PCM1: variants seen among roughly 807,000 people sequenced by gnomAD.
The protein encoded by PCM1 is pericentriolar material 1.
PCM1 carries 157 observed loss-of-function variants against 241.9 expected under a neutral mutation model. That is an observed-to-expected ratio of 0.65 (90% CI 0.57 to 0.74). PCM1 has a LOEUF of 0.74. PCM1 is among the 30% of genes least tolerant of loss of function. The pLI is 0.00. For missense variants in PCM1, 3,478 were observed against 2,360.1 expected (o/e 1.47, Z -9.81); for synonymous variants, 1,085 against 784.9 (o/e 1.38, Z -6.39).
At position 17,947,345 on chromosome 8, in the gene PCM1, G is replaced by A; in HGVS notation, c.943G>A (p.Ala315Thr). Residue 315 changes from alanine to threonine, a missense_variant, in exon 7 of 39, where the codon GCA becomes ACA. Ala to Thr is a moderately conservative substitution (Grantham distance 58). Transcript: ENST00000325083. ...ALQHKAEQAI[A>T]VMDDSVVAET... is the part of the protein sequence containing the mutation. ...GCAACATAAAGCAGAGCAAGCTATT[G>A]CAGTGATGGATGATTCTGGTATGTC... is the stretch of plus-strand genomic sequence containing the variant. 1 of 1,597,996 alleles carries A rather than the reference G, an allele frequency of 6.3e-7. No individual in the cohort carries two copies. The highest frequency in any genetic ancestry group is 8.5e-7 in the Non-Finnish European group (1 of 1,173,474).
chr8:17,943,764 T>C (rs749228732), intron 6 of PCM1, among the ~76,000 whole-genome samples: 1 of 152,208 alleles, frequency 6.6e-6, no homozygotes, highest in African/African-American at 2.4e-5. Flanking sequence ...TTTATTTTTT[T>C]CTCTACTCTG....
At chr8:17,982,794 C>A (rs1564151132) in intron 24 of PCM1, among the ~76,000 whole-genome samples, 1 of 152,070 alleles carries the variant, frequency 6.6e-6, no homozygotes, top group Non-Finnish European at 1.5e-5. Flanking sequence ...ATGCCCAGCC[C>A]TGAAAAGATT....
rs963923013 is a variant in PCM1, at chr8:18,025,352, A to G, written c.5842-9A>G. 6.8e-7 allele frequency: 1 copy of G among 1,478,032 alleles called. No homozygotes were observed. Among genetic ancestry groups the G allele is most frequent in the Non-Finnish European group, 9.4e-7 (1 of 1,069,264 alleles). The allele number at this position is 1,478,032 out of a possible 1,614,324, so 91.6% of individuals were successfully genotyped here. ...AGAGTATGTATTTTTTTTTTTCATT[A>G]CATTACAGGAAGCAGAATCTGGTAA... On this transcript the variant is annotated splice_polypyrimidine_tract_variant and intron_variant, in intron 36 of 38. Transcript: ENST00000325083.
At chr8:17,991,726 T>C (rs2084699081) in intron 28 of PCM1, 26 bp downstream of exon 28, 1 of 1,514,084 alleles carries the variant, frequency 6.6e-7, no homozygotes, top group Non-Finnish European at 8.9e-7. Context: ...TTCGGTAGGT[T>C]TTTGGAGAAC....
At chr8:17,949,774 G>A (rs953834045) in intron 7 of PCM1, among the ~76,000 whole-genome samples, 1 of 152,178 alleles carries the variant, frequency 6.6e-6, no homozygotes, top group Non-Finnish European at 1.5e-5. Flanking sequence ...TGGAATTACA[G>A]GTGTGAGACA....
intron 29 of PCM1, among the ~76,000 whole-genome samples, chr8:18,002,099 G>T: frequency 1.9e-5 from 1 of 52,892 alleles, no homozygotes; most frequent in Non-Finnish European, 3.0e-5. Flanking sequence ...TATACTCTAA[G>T]TTATAGGGTA....
chr8:17,989,072 TGTGGTATATCTATACA>T (rs1400449840), intron 26 of PCM1, among the ~76,000 whole-genome samples: 6 of 151,968 alleles, frequency 3.9e-5, no homozygotes, highest in African/African-American at 1.4e-4. Context: ...ATAAACAAAC[TGTGGTATATCTATACA>T]GTGGAATACT....
chr8:18,020,620 A>G (rs966246681), intron 36 of PCM1, among the ~76,000 whole-genome samples: 2 of 152,220 alleles, frequency 1.3e-5, no homozygotes, highest in East Asian at 3.9e-4. Flanking sequence ...CATTTTATTG[A>G]TGGATCCTAT....
intron 23 of PCM1, among the ~76,000 whole-genome samples, chr8:17,975,268 A>G (rs968683456): frequency 6.6e-6 from 1 of 152,084 alleles, no homozygotes; most frequent in South Asian, 2.1e-4. Context: ...GGTTCAAACA[A>G]TTCTCCTGTC....
chr8:17,971,097 T>C (rs2076703683), intron 22 of PCM1, among the ~76,000 whole-genome samples: 1 of 151,598 alleles, frequency 6.6e-6, no homozygotes, highest in Admixed American at 6.6e-5. Flanking sequence ...TAACACTTTA[T>C]TTATGGGCAC....
chr8:17,950,505 A>G, intron 7 of PCM1, 110 bp from the exon 8 acceptor site: 1 of 622,892 alleles, frequency 1.6e-6, no homozygotes, highest in Non-Finnish European at 2.8e-6. Flanking sequence ...GTTTCAAGTT[A>G]CGTATGTGAG....
chr8:17,990,015 T>C lies in PCM1; in HGVS notation c.4531+36T>C, dbSNP rs1364609810. On this transcript the variant is annotated intron_variant, in intron 27 of 38. Coordinates refer to ENST00000325083, the MANE Select transcript of PCM1 (RefSeq NM_006197.4). ...TTGTTTATAATCTTAGAAACAACTT[T>C]AAGTTGATCTGGTCCAGTCTTTGAA... 2.7e-6 allele frequency: 4 copies of C among 1,480,600 alleles called. No individual in the cohort carries two copies. In the East Asian group the frequency reaches 1.0e-4, roughly 37 times the overall value. 91.7% of individuals were successfully genotyped at this position (1,480,600 alleles called of 1,614,324 possible). A position where few individuals can be genotyped will look rare whatever the true frequency, so the allele number is the denominator to read the frequency against.
intron 19 of PCM1, 37 bp from the exon 20 acceptor site, chr8:17,966,291 T>G (rs939551197): frequency 5.6e-6 from 9 of 1,609,966 alleles, no homozygotes; most frequent in Non-Finnish European, 6.8e-6. Context: ...TTTTCTCAAG[T>G]CATCAGTAAC....
chr8:17,962,619 G>C (rs1383452748), intron 16 of PCM1, among the ~76,000 whole-genome samples: 1 of 151,944 alleles, frequency 6.6e-6, no homozygotes, highest in Non-Finnish European at 1.5e-5. Flanking sequence ...TCTATTAATA[G>C]GCCATGTGCG....
rs1564427714 is a variant in PCM1 at position 18,018,873 on chromosome 8, T to TAC, written c.5841+4034_5841+4035insCA. ...GTGTGTATATATATATATATATATA[T>TAC]ATATATACACACACATATACATACA... is the stretch of plus-strand genomic sequence containing the variant. On this transcript the variant is annotated intron_variant, in intron 36 of 38. Coordinates refer to ENST00000325083, the MANE Select transcript of PCM1 (RefSeq NM_006197.4). Among the ~76,000 whole-genome samples the TAC allele has an allele frequency of 2.0e-4, 23 of 116,606 alleles. No individual in the cohort carries two copies. The East Asian group carries it at 2.0e-3, about 10-fold the overall frequency. The allele number at this position is 116,606 out of a possible 152,430, so 76.5% of individuals were successfully genotyped here.
intron 38 of PCM1, 97 bp downstream of exon 38, chr8:18,025,755 G>A: frequency 2.9e-6 from 2 of 690,882 alleles, no homozygotes; most frequent in East Asian, 2.9e-5. Flanking sequence ...CTACTGACCT[G>A]GGAGATTTAA....
At chr8:17,999,054 C>G (rs899243870) in intron 29 of PCM1, among the ~76,000 whole-genome samples, 2 of 152,188 alleles carry the variant, frequency 1.3e-5, no homozygotes, top group African/African-American at 4.8e-5. Flanking sequence ...GCAGTGGGCT[C>G]TCCTCTGGCC....
chr8:18,022,957 C>T (rs892477683), intron 36 of PCM1, among the ~76,000 whole-genome samples: 3 of 152,122 alleles, frequency 2.0e-5, no homozygotes, highest in African/African-American at 2.4e-5. Flanking sequence ...CCTTATTTGG[C>T]GATGGTACCC....
At chr8:17,976,557 A>G (rs1340290908) in intron 23 of PCM1, among the ~76,000 whole-genome samples, 1 of 152,206 alleles carries the variant, frequency 6.6e-6, no homozygotes, top group African/African-American at 2.4e-5. Context: ...TTCCAGGATG[A>G]TTCCATGGCC....
Sources: allele counts gnomAD v4.1 joint callset (sites outside exome capture counted in the v4.1 genomes callset), GRCh38; gene constraint gnomAD v4.1.1; transcripts MANE v1.5; gene names NCBI Gene and HGNC (gene_info 2026-07-23, HGNC 2026-07-21).